The following SCFD2 variants were observed in gnomAD, a reference collection of about 807,000 sequenced individuals.
The protein encoded by SCFD2 is sec1 family domain containing 2, also known as sec1 family domain-containing protein 2.
In SCFD2, 54 loss-of-function variants were observed where a neutral mutation model predicts 58.9. The ratio of observed to expected loss-of-function variants is 0.92; its 90% CI spans 0.74 to 1.15. SCFD2 has a LOEUF of 1.15. Ranked by LOEUF, SCFD2 falls within the 50% of genes most tolerant of loss-of-function variation. SCFD2 has a pLI of 0.00. For missense variants in SCFD2, 805 were observed against 836.6 expected (o/e 0.96, Z 0.47); for synonymous variants, 321 against 335.9 (o/e 0.96, Z 0.49).
chr4:52,985,191 C>T (rs1010259215), intron 5 of SCFD2, among the ~76,000 whole-genome samples: 3 of 152,262 alleles, frequency 2.0e-5, no homozygotes, highest in Admixed American at 1.3e-4. Context: ...ACTGCTCCTT[C>T]GCAGTAAGGG....
chr4:53,112,781 G>T (rs1163491519), intron 5 of SCFD2, among the ~76,000 whole-genome samples: 1 of 151,994 alleles, frequency 6.6e-6, no homozygotes. Context: ...TTGAAACCCT[G>T]TTTCTTCAAT....
chr4:52,935,261 T>C (rs1300543337), intron 5 of SCFD2, among the ~76,000 whole-genome samples: 1 of 152,236 alleles, frequency 6.6e-6, no homozygotes, highest in African/African-American at 2.4e-5. Context: ...TCAGGAATTA[T>C]GGGAGATTTC....
chr4:53,083,724 G>A (rs62338994), intron 5 of SCFD2, among the ~76,000 whole-genome samples: 24,981 of 152,196 alleles, frequency 0.16, 2,485 homozygotes, highest in Middle Eastern at 0.26. Flanking sequence ...TGGGCCGCCA[G>A]GGGTGACATC....
chr4:52,899,964 C>T (rs1263247774), intron 7 of SCFD2, among the ~76,000 whole-genome samples: 9 of 152,282 alleles, frequency 5.9e-5, no homozygotes, highest in Middle Eastern at 3.4e-3. Context: ...CTTGTGCATT[C>T]GTCACGTAGT....
At chr4:53,034,038 G>A (rs941500784) in intron 5 of SCFD2, among the ~76,000 whole-genome samples, 4 of 152,152 alleles carry the variant, frequency 2.6e-5, no homozygotes, top group African/African-American at 9.7e-5. Context: ...CAATATCCCT[G>A]ATGAACATCG....
At position 53,044,955 on chromosome 4, in the gene SCFD2, G is replaced by C. The variant is rs191407487; in HGVS notation, c.1561+100378C>G. 3.1e-5 allele frequency among the ~76,000 whole-genome samples: 4 copies of C among 127,256 alleles called. No homozygotes were observed. In the South Asian group the frequency reaches 9.7e-4, roughly 31 times the overall value. The allele number at this position is 127,256 out of a possible 152,430, so 83.5% of individuals were successfully genotyped here. ...ACTTGCTTTGAGTCTGGGGTGAGCC[G>C]TGGTAACTTATAGTCACTTAGTAGC... On this transcript the variant is annotated intron_variant, in intron 5 of 8. Transcript: ENST00000401642.
intron 4 of SCFD2, among the ~76,000 whole-genome samples, chr4:53,178,039 G>A (rs974699652): frequency 1.4e-4 from 21 of 152,342 alleles, no homozygotes; most frequent in African/African-American, 4.3e-4. Context: ...GCCCACCACA[G>A]CTCCAGGAGG....
At chr4:52,990,504 T>C (rs749439692) in intron 5 of SCFD2, among the ~76,000 whole-genome samples, 3 of 152,226 alleles carry the variant, frequency 2.0e-5, no homozygotes, top group Non-Finnish European at 4.4e-5. Context: ...CTGAGGCTGC[T>C]TGCAAAGCCA....
chr4:52,955,985 T>C (rs1720702898), intron 5 of SCFD2: 1 of 450,868 alleles, frequency 2.2e-6, no homozygotes. Context: ...AGATACCTAT[T>C]GCTGTGGTCA....
intron 2 of SCFD2, among the ~76,000 whole-genome samples, chr4:53,331,835 T>C (rs901598767): frequency 6.6e-6 from 1 of 151,752 alleles, no homozygotes; most frequent in South Asian, 2.1e-4. Flanking sequence ...ATCAACAAAA[T>C]TGATAGACCG....
At chr4:52,890,450 G>A (rs993712913) in intron 7 of SCFD2, among the ~76,000 whole-genome samples, 3 of 152,188 alleles carry the variant, frequency 2.0e-5, no homozygotes, top group Non-Finnish European at 1.5e-5. Context: ...CTTTTCTTGT[G>A]GAGCCGTTCA....
intron 7 of SCFD2, among the ~76,000 whole-genome samples, chr4:52,888,004 G>A (rs940030573): frequency 1.4e-5 from 2 of 143,032 alleles, no homozygotes; most frequent in South Asian, 2.2e-4. Context: ...TCCGCTTCCC[G>A]GGTTCACGCC....
intron 3 of SCFD2, among the ~76,000 whole-genome samples, chr4:53,293,679 C>T (rs555055122): frequency 4.1e-4 from 62 of 152,120 alleles, no homozygotes; most frequent in African/African-American, 9.4e-4. Context: ...TAATCAATGG[C>T]GAACAACTGA....
At chr4:53,063,283 A>T (rs1162990340) in intron 5 of SCFD2, among the ~76,000 whole-genome samples, 1 of 152,148 alleles carries the variant, frequency 6.6e-6, no homozygotes, top group Non-Finnish European at 1.5e-5. Flanking sequence ...AAACTGGGTA[A>T]TCAATCTTTA....
At chr4:53,205,297 C>CA (rs1553886207) in intron 4 of SCFD2, among the ~76,000 whole-genome samples, 1 of 151,990 alleles carries the variant, frequency 6.6e-6, no homozygotes, top group Admixed American at 6.6e-5. Flanking sequence ...TCTGTACCAC[C>CA]TTTTTTTACC....
At chr4:53,087,395 C>T (rs189189895) in intron 5 of SCFD2, among the ~76,000 whole-genome samples, 2 of 152,272 alleles carry the variant, frequency 1.3e-5, no homozygotes, top group East Asian at 3.9e-4. Context: ...AGTGTAGTGG[C>T]ACAATCTCAG....
intron 3 of SCFD2, among the ~76,000 whole-genome samples, chr4:53,280,629 T>C (rs1038862790): frequency 6.6e-6 from 1 of 152,204 alleles, no homozygotes; most frequent in Non-Finnish European, 1.5e-5. Flanking sequence ...TGTTTTTTAT[T>C]CATTCAATTC....
At chr4:53,182,294 C>A (rs1413908483) in intron 4 of SCFD2, among the ~76,000 whole-genome samples, 1 of 152,088 alleles carries the variant, frequency 6.6e-6, no homozygotes, top group East Asian at 1.9e-4. Flanking sequence ...GGTACTGGTA[C>A]CAAAACAGAG....
chr4:53,024,263 T>G (rs1263966893), intron 5 of SCFD2, among the ~76,000 whole-genome samples: 2 of 151,942 alleles, frequency 1.3e-5, no homozygotes, highest in Non-Finnish European at 2.9e-5. Flanking sequence ...TCCAAAGAAG[T>G]GGTGGCTGGC....
Sources: gnomAD v4.1 joint callset for allele counts (sites outside exome capture counted in the v4.1 genomes callset) on GRCh38, gnomAD v4.1.1 for gene constraint, MANE v1.5 for transcripts, NCBI Gene and HGNC (gene_info 2026-07-23, HGNC 2026-07-21) for gene names.